The following IGSF10 variants were observed in gnomAD, a reference collection of about 807,000 sequenced individuals.
IGSF10 encodes calvaria mechanical force protein 608.
In IGSF10, 126 loss-of-function variants were observed where a neutral mutation model predicts 128.2. The observed-to-expected ratio is 0.98, with a 90% CI of 0.85 to 1.14. The LOEUF is 1.14. Ranked by LOEUF, IGSF10 falls within the 50% of genes most tolerant of loss-of-function variation. The pLI, the probability that IGSF10 is intolerant of heterozygous loss-of-function variation, is 0.00. For synonymous variants in IGSF10, 1,185 were observed against 1,146.2 expected (o/e 1.03, Z -0.68); for missense variants, 3,295 against 3,149.8 (o/e 1.05, Z -1.10).
chr3:151,437,538 A>G lies in IGSF10; in HGVS notation c.7023T>C (p.Asn2341=), dbSNP rs1206518931. Residue 2341 remains asparagine (N), a synonymous_variant, in exon 8 of 8, where the codon AAT becomes AAC. Transcript: ENST00000282466. ...GGGCAACTATTTTTTCATTAAATGG[A>G]TTTCTAAATGTCGGTCTTCTCAGCA... ...LEMLRRPTFR[N]PFNEKIVAQL... is the part of the protein sequence containing the mutation. The G allele has an allele frequency of 6.2e-7, 1 of 1,614,132 alleles. No homozygotes were observed. The highest frequency in any genetic ancestry group is 8.5e-7 in the Non-Finnish European group (1 of 1,180,032).
chr3:151,591,426 TA>T, the IGSF10 span, among the ~76,000 whole-genome samples: 8 of 146,866 alleles, frequency 5.4e-5, no homozygotes, highest in Non-Finnish European at 9.0e-5. Flanking sequence ...TATATTTATA[TA>T]AAAATATATA....
chr3:151,484,491 T>C, the IGSF10 span, among the ~76,000 whole-genome samples: 3 of 152,088 alleles, frequency 2.0e-5, no homozygotes, highest in Non-Finnish European at 4.4e-5. Flanking sequence ...CTGACCCCTG[T>C]GTATCCTGAC....
chr3:151,537,526 T>A, the IGSF10 span, among the ~76,000 whole-genome samples: 1 of 152,130 alleles, frequency 6.6e-6, no homozygotes, highest in Non-Finnish European at 1.5e-5. Context: ...TTTTTCCCCA[T>A]CATGTACATG....
At chr3:151,534,948 G>A in the IGSF10 span, among the ~76,000 whole-genome samples, 3 of 151,690 alleles carry the variant, frequency 2.0e-5, no homozygotes, top group Non-Finnish European at 4.4e-5. Context: ...AAGCATACAC[G>A]AACTTTGGAG....
chr3:151,504,881 C>T, the IGSF10 span, among the ~76,000 whole-genome samples: 43 of 152,194 alleles, frequency 2.8e-4, no homozygotes, highest in Admixed American at 2.4e-3. Context: ...TCAGTAAGTT[C>T]CTCATCTCCA....
chr3:151,432,452 G>A (rs1286079165), downstream of IGSF10, among the ~76,000 whole-genome samples: 1 of 152,166 alleles, frequency 6.6e-6, no homozygotes, highest in Non-Finnish European at 1.5e-5. Context: ...AACTTTTACT[G>A]TATTCCTTTT....
chr3:151,578,887 G>A, the IGSF10 span, among the ~76,000 whole-genome samples: 2 of 152,156 alleles, frequency 1.3e-5, no homozygotes, highest in Non-Finnish European at 2.9e-5. Context: ...ATACCTGTGA[G>A]ACACAAAAAG....
the IGSF10 span, among the ~76,000 whole-genome samples, chr3:151,504,140 T>C: frequency 6.6e-6 from 1 of 152,146 alleles, no homozygotes; most frequent in African/African-American, 2.4e-5. Context: ...GGGGCTTTGT[T>C]TCTGGAAAAG....
the IGSF10 span, among the ~76,000 whole-genome samples, chr3:151,550,539 CA>C: frequency 3.2e-4 from 49 of 152,250 alleles, no homozygotes; most frequent in South Asian, 8.3e-4. Flanking sequence ...TTTAATTACA[CA>C]AATGGCTATT....
the IGSF10 span, among the ~76,000 whole-genome samples, chr3:151,558,007 T>TATATATATATA: frequency 4.7e-4 from 14 of 29,622 alleles, 3 homozygotes; most frequent in African/African-American, 2.1e-3. Context: ...GTATATATAA[T>TATATATATATA]ATATATATAT....
chr3:151,568,437 G>T, the IGSF10 span, among the ~76,000 whole-genome samples: 2 of 152,152 alleles, frequency 1.3e-5, no homozygotes, highest in South Asian at 4.2e-4. Context: ...ACTTTAAATG[G>T]GGTCTGGGAC....
chr3:151,476,046 A>T, the IGSF10 span: 2 of 152,210 alleles, frequency 1.3e-5, no homozygotes, highest in Non-Finnish European at 2.9e-5. Context: ...TACATTTATG[A>T]CAGATACACT....
rs1461992819 is a variant in IGSF10 at position 151,447,201 on chromosome 3, A to T, written c.2780T>A (p.Met927Lys). Reference protein sequence around the residue: ...QSRPPITVRTMIKDVNVKMLS... With the variant: ...QSRPPITVRTKIKDVNVKMLS... Reference sequence around the variant, plus strand: ...CATTTTGACATTGACATCTTTGATCATAGTCCTTACTGTTATTGGGGGTCT... The same window carrying T: ...CATTTTGACATTGACATCTTTGATCTTAGTCCTTACTGTTATTGGGGGTCT... The change falls in exon 6 of 8, where the codon ATG becomes AAG. Residue 927 changes from methionine (M) to lysine (K), a missense_variant. Coordinates refer to ENST00000282466, the MANE Select transcript of IGSF10 (RefSeq NM_178822.5). The T allele has an allele frequency of 6.2e-7, 1 of 1,614,224 alleles. No individual in the cohort carries two copies. Among genetic ancestry groups the T allele is most frequent in the Admixed American group, 1.7e-5 (1 of 60,034 alleles).
chr3:151,519,850 C>T, the IGSF10 span, among the ~76,000 whole-genome samples: 1 of 151,774 alleles, frequency 6.6e-6, no homozygotes, highest in South Asian at 2.1e-4. Flanking sequence ...TTTCAGTAAA[C>T]ATCTCCCAGT....
the IGSF10 span, among the ~76,000 whole-genome samples, chr3:151,587,503 C>T: frequency 6.6e-6 from 1 of 152,014 alleles, no homozygotes; most frequent in Non-Finnish European, 1.5e-5. Context: ...GTTTTCTGGG[C>T]ATTGAATCAG....
the IGSF10 span, among the ~76,000 whole-genome samples, chr3:151,467,195 A>T: frequency 1.3e-5 from 2 of 152,060 alleles, no homozygotes; most frequent in African/African-American, 4.8e-5. Flanking sequence ...CTCTTTATCC[A>T]TTTCTGCCTA....
the IGSF10 span, among the ~76,000 whole-genome samples, chr3:151,550,274 A>T: frequency 1.3e-5 from 2 of 152,180 alleles, no homozygotes; most frequent in Non-Finnish European, 2.9e-5. Flanking sequence ...TGACATTTTC[A>T]TCCTGATTTC....
At chr3:151,486,492 C>T in the IGSF10 span, among the ~76,000 whole-genome samples, 1 of 152,190 alleles carries the variant, frequency 6.6e-6, no homozygotes. Context: ...GAATTCTCCA[C>T]CCCAAATGAA....
At chr3:151,497,122 G>T in the IGSF10 span, among the ~76,000 whole-genome samples, 9 of 152,156 alleles carry the variant, frequency 5.9e-5, no homozygotes, top group East Asian at 1.7e-3. Context: ...CCATTCTGTA[G>T]GTTGCCTGTT....
Sources: gnomAD v4.1 joint callset for allele counts (sites outside exome capture counted in the v4.1 genomes callset) on GRCh38, gnomAD v4.1.1 for gene constraint, MANE v1.5 for transcripts, NCBI Gene and HGNC (gene_info 2026-07-23, HGNC 2026-07-21) for gene names.